SGCZ: variants seen among roughly 807,000 people sequenced by gnomAD.
The protein encoded by SGCZ is zeta-sarcoglycan.
SGCZ carries 40 observed loss-of-function variants against 41.3 expected under a neutral mutation model. The ratio of observed to expected loss-of-function variants is 0.97; its 90% CI spans 0.75 to 1.26. SGCZ has a LOEUF of 1.26. Ranked by LOEUF, SGCZ falls within the 50% of genes most tolerant of loss-of-function variation. The probability of loss-of-function intolerance (pLI) is 0.00; values close to 1 mark genes in which losing one functional copy is unlikely to be tolerated. For synonymous variants in SGCZ, 206 were observed against 137.5 expected (o/e 1.50, Z -3.49); for missense variants, 552 against 369.8 (o/e 1.49, Z -4.04).
intron 4 of SGCZ, among the ~76,000 whole-genome samples, chr8:14,195,415 A>C (rs930238586): frequency 6.6e-6 from 1 of 152,138 alleles, no homozygotes; most frequent in Non-Finnish European, 1.5e-5. Context: ...TTTTGAAACA[A>C]CTTCAGCTGA....
intron 2 of SGCZ, among the ~76,000 whole-genome samples, chr8:14,462,322 C>T (rs1406450060): frequency 6.6e-6 from 1 of 151,808 alleles, no homozygotes; most frequent in African/African-American, 2.4e-5. Flanking sequence ...TACAAAAATT[C>T]CATGTAATTT....
chr8:14,418,627 TCAA>T (rs1470056391), intron 2 of SGCZ, among the ~76,000 whole-genome samples: 2 of 151,946 alleles, frequency 1.3e-5, no homozygotes, highest in African/African-American at 2.4e-5. Context: ...CAATTAATTA[TCAA>T]CAACAAGGTA....
At chr8:14,665,579 G>A (rs1393108317) in intron 1 of SGCZ, among the ~76,000 whole-genome samples, 1 of 152,100 alleles carries the variant, frequency 6.6e-6, no homozygotes, top group Non-Finnish European at 1.5e-5. Context: ...CACTATATCT[G>A]CAACAGAACA....
chr8:14,975,583 T>C (rs1369749964), intron 1 of SGCZ, among the ~76,000 whole-genome samples: 1 of 152,076 alleles, frequency 6.6e-6, no homozygotes, highest in Non-Finnish European at 1.5e-5. Context: ...CACGGGATTT[T>C]CAGCTTCCAC....
At chr8:15,100,135 T>A (rs67149782) in intron 1 of SGCZ, among the ~76,000 whole-genome samples, 14,416 of 152,208 alleles carry the variant, frequency 0.095, 817 homozygotes, top group East Asian at 0.26. Context: ...ATTAAAGATA[T>A]ACAGACAGAA....
At chr8:14,897,381 A>G (rs17120477) in intron 1 of SGCZ, among the ~76,000 whole-genome samples, 6,824 of 152,290 alleles carry the variant, frequency 0.045, 430 homozygotes, top group African/African-American at 0.14. Flanking sequence ...TATACTGAGT[A>G]TCCCACTAGG....
intron 1 of SGCZ, among the ~76,000 whole-genome samples, chr8:14,835,419 C>A (rs998214200): frequency 8.6e-5 from 13 of 151,576 alleles, no homozygotes; most frequent in African/African-American, 1.5e-4. Flanking sequence ...AATTATATTC[C>A]CAATCTACAC....
chr8:14,790,976 A>G (rs1800931261), intron 1 of SGCZ, among the ~76,000 whole-genome samples: 1 of 151,586 alleles, frequency 6.6e-6, no homozygotes, highest in African/African-American at 2.4e-5. Context: ...GGTTGCAGTG[A>G]GCCAAGATCA....
intron 5 of SGCZ, among the ~76,000 whole-genome samples, chr8:14,146,738 G>T (rs1034373795): frequency 6.7e-6 from 1 of 148,894 alleles, no homozygotes; most frequent in African/African-American, 2.5e-5. Context: ...CGGGCGTAGT[G>T]GCGGGCGCCT....
At chr8:14,495,603 C>A (rs917657452) in intron 2 of SGCZ, among the ~76,000 whole-genome samples, 1 of 152,078 alleles carries the variant, frequency 6.6e-6, no homozygotes, top group Admixed American at 6.5e-5. Flanking sequence ...TATATTTTCT[C>A]ATTTAATCCT....
intron 2 of SGCZ, among the ~76,000 whole-genome samples, chr8:14,332,957 T>C (rs1175595680): frequency 1.3e-5 from 2 of 150,914 alleles, no homozygotes; most frequent in African/African-American, 4.9e-5. Flanking sequence ...ATATATAAAA[T>C]GTTCACATAC....
At chr8:14,711,333 T>C (rs1326279385) in intron 1 of SGCZ, among the ~76,000 whole-genome samples, 2 of 151,148 alleles carry the variant, frequency 1.3e-5, no homozygotes, top group African/African-American at 4.9e-5. Context: ...CTCACACCTG[T>C]AATCCCTGCA....
intron 2 of SGCZ, among the ~76,000 whole-genome samples, chr8:14,329,101 G>C (rs1208253160): frequency 1.3e-5 from 2 of 151,990 alleles, no homozygotes; most frequent in Admixed American, 6.6e-5. Context: ...CCAGTATTTT[G>C]TTATAGTAGC....
chr8:14,282,966 C>T (rs1309835627), intron 3 of SGCZ, among the ~76,000 whole-genome samples: 2 of 148,400 alleles, frequency 1.3e-5, no homozygotes, highest in African/African-American at 5.0e-5. Context: ...TCTCCTGCCT[C>T]AGCCTCCCGA....
chr8:14,847,182 A>AGAG (rs1554510901), intron 1 of SGCZ, among the ~76,000 whole-genome samples: 6 of 147,200 alleles, frequency 4.1e-5, no homozygotes, highest in African/African-American at 7.8e-5. Flanking sequence ...AAGAAGAAGA[A>AGAG]GAAGAGAAAA....
intron 1 of SGCZ, among the ~76,000 whole-genome samples, chr8:15,148,627 T>G (rs1799097897): frequency 6.6e-6 from 1 of 152,192 alleles, no homozygotes; most frequent in African/African-American, 2.4e-5. Context: ...ACGATATTGT[T>G]GAGTCTCACT....
intron 2 of SGCZ, among the ~76,000 whole-genome samples, chr8:14,507,696 T>G (rs889521173): frequency 6.6e-6 from 1 of 152,210 alleles, no homozygotes; most frequent in Non-Finnish European, 1.5e-5. Flanking sequence ...TCAAGTTTTC[T>G]ATGCTTACTT....
intron 1 of SGCZ, among the ~76,000 whole-genome samples, chr8:15,107,869 T>C (rs1360129272): frequency 6.6e-6 from 1 of 152,190 alleles, no homozygotes; most frequent in Non-Finnish European, 1.5e-5. Flanking sequence ...TGGAGATTTG[T>C]ATTTTCTTAG....
chr8:14,878,182 CT>C (rs1563333346), intron 1 of SGCZ, among the ~76,000 whole-genome samples: 2 of 149,470 alleles, frequency 1.3e-5, no homozygotes, highest in East Asian at 2.0e-4. Flanking sequence ...AGGCAGTCTT[CT>C]TTTTTTCTTT....
Sources: gnomAD v4.1 joint callset for allele counts (sites outside exome capture counted in the v4.1 genomes callset) on GRCh38, gnomAD v4.1.1 for gene constraint, MANE v1.5 for transcripts, NCBI Gene and HGNC (gene_info 2026-07-23, HGNC 2026-07-21) for gene names.